RSRC1: variants seen among roughly 807,000 people sequenced by gnomAD.
RSRC1 encodes the protein arginine and serine rich coiled-coil 1.
In RSRC1, 39 loss-of-function variants were observed where a neutral mutation model predicts 49.1. That is an observed-to-expected ratio of 0.79 (90% CI 0.61 to 1.04). The LOEUF (loss-of-function observed/expected upper bound fraction) is 1.04, where lower values mean the gene tolerates loss of function less well. RSRC1 is among the 50% of genes least tolerant of loss of function. The pLI is 0.00. For missense variants in RSRC1, 388 were observed against 402.4 expected, an observed-to-expected ratio of 0.96 and a Z score of 0.31; for synonymous variants, 143 against 130.8, an observed-to-expected ratio of 1.09 and a Z score of -0.63.
intron 5 of RSRC1, among the ~76,000 whole-genome samples, chr3:158,307,806 A>G (rs980608539): frequency 2.0e-5 from 3 of 151,750 alleles, no homozygotes; most frequent in African/African-American, 7.3e-5. Context: ...GTGAAATTTT[A>G]TGTATATGAA....
At chr3:158,203,906 A>G (rs964571047) in intron 4 of RSRC1, among the ~76,000 whole-genome samples, 8 of 152,222 alleles carry the variant, frequency 5.3e-5, no homozygotes, top group African/African-American at 1.9e-4. Context: ...ATTAGAAAAC[A>G]TTAAAATGAA....
intron 3 of RSRC1, among the ~76,000 whole-genome samples, chr3:158,139,795 A>G (rs998041473): frequency 1.3e-5 from 2 of 152,020 alleles, no homozygotes; most frequent in South Asian, 2.1e-4. Context: ...CACCACGCCC[A>G]GCTAATTTCT....
intron 3 of RSRC1, among the ~76,000 whole-genome samples, chr3:158,165,839 A>G (rs1342082465): frequency 1.3e-5 from 2 of 152,150 alleles, no homozygotes; most frequent in Non-Finnish European, 2.9e-5. Context: ...TCCATATACT[A>G]CCTTTCTTCA....
At chr3:158,513,118 G>A (rs62287891) in intron 7 of RSRC1, among the ~76,000 whole-genome samples, 70,072 of 141,114 alleles carry the variant, frequency 0.5, 17,844 homozygotes, top group African/African-American at 0.6. Flanking sequence ...TCCTTCTCCT[G>A]CCTAATTGCC....
At chr3:158,112,645 G>C (rs374825709) in intron 1 of RSRC1, among the ~76,000 whole-genome samples, 6 of 152,204 alleles carry the variant, frequency 3.9e-5, no homozygotes, top group Admixed American at 1.3e-4. Flanking sequence ...AACTTTTCTT[G>C]GTTTCTCTAA....
intron 3 of RSRC1, among the ~76,000 whole-genome samples, chr3:158,162,208 G>A (rs1295562012): frequency 6.6e-6 from 1 of 152,128 alleles, no homozygotes. Flanking sequence ...AATACTCTAA[G>A]TAAATCATGT....
At chr3:158,508,449 CTAAA>C (rs1343506339) in intron 7 of RSRC1, among the ~76,000 whole-genome samples, 1 of 72,854 alleles carries the variant, frequency 1.4e-5, no homozygotes, top group East Asian at 3.7e-4. Context: ...CAATATATAA[CTAAA>C]GTCTGTGTCA....
chr3:158,153,281 A>G (rs180911463), intron 3 of RSRC1, among the ~76,000 whole-genome samples: 1 of 152,220 alleles, frequency 6.6e-6, no homozygotes, highest in East Asian at 1.9e-4. Context: ...CTTTGGAGAC[A>G]CTTGAGGATG....
chr3:158,142,092 C>T (rs1437366317), intron 3 of RSRC1, among the ~76,000 whole-genome samples: 4 of 151,772 alleles, frequency 2.6e-5, no homozygotes, highest in South Asian at 2.1e-4. Context: ...AGCGAGACTC[C>T]GTCTCAAAAA....
At position 158,355,165 on chromosome 3, in the gene RSRC1, A is replaced by G. The variant is rs1027518272; in HGVS notation, c.583+257A>G. 3.9e-5 allele frequency among the ~76,000 whole-genome samples: 6 copies of G among 151,956 alleles called. No individual in the cohort carries two copies. The South Asian group carries it at 1.2e-3, about 32-fold the overall frequency. ...GCTTCAGTTTTAGTTTTTTATTTTGATGAAGCCCAATTGATTAATTTGTCT... is the reference window on the plus strand; with the variant it reads ...GCTTCAGTTTTAGTTTTTTATTTTGGTGAAGCCCAATTGATTAATTTGTCT... On this transcript the variant is annotated intron_variant, in intron 6 of 9. Transcript: ENST00000611884.
intron 7 of RSRC1, among the ~76,000 whole-genome samples, chr3:158,503,576 G>A (rs1166281230): frequency 1.3e-5 from 2 of 152,176 alleles, no homozygotes; most frequent in Non-Finnish European, 2.9e-5. Flanking sequence ...TGCTGTTGGA[G>A]ATGGGGGTGA....
chr3:158,398,962 A>G (rs1252062972), intron 6 of RSRC1, among the ~76,000 whole-genome samples: 1 of 151,920 alleles, frequency 6.6e-6, no homozygotes, highest in Non-Finnish European at 1.5e-5. Flanking sequence ...ACATATATTT[A>G]TCAATGTGTG....
chr3:158,444,288 A>T (rs1023886866), intron 6 of RSRC1, among the ~76,000 whole-genome samples: 3 of 152,136 alleles, frequency 2.0e-5, no homozygotes, highest in Non-Finnish European at 4.4e-5. Flanking sequence ...CAAAACAGCA[A>T]GGTACTGGCA....
At chr3:158,111,782 G>A (rs916173635) in intron 1 of RSRC1, among the ~76,000 whole-genome samples, 2 of 152,156 alleles carry the variant, frequency 1.3e-5, no homozygotes, top group Non-Finnish European at 2.9e-5. Context: ...GTAATTATAA[G>A]CTATCATGTC....
At chr3:158,132,695 A>G (rs896927074) in intron 3 of RSRC1, among the ~76,000 whole-genome samples, 1 of 152,198 alleles carries the variant, frequency 6.6e-6, no homozygotes, top group Non-Finnish European at 1.5e-5. Flanking sequence ...TGGATGAGCT[A>G]TCCTTTCCTT....
chr3:158,507,363 A>C (rs1238151008), intron 7 of RSRC1, among the ~76,000 whole-genome samples: 1 of 152,156 alleles, frequency 6.6e-6, no homozygotes, highest in Non-Finnish European at 1.5e-5. Flanking sequence ...TATATATTTC[A>C]GAATAGCTAG....
chr3:158,173,660 G>C (rs1719015490), intron 3 of RSRC1, among the ~76,000 whole-genome samples: 1 of 151,948 alleles, frequency 6.6e-6, no homozygotes, highest in Non-Finnish European at 1.5e-5. Flanking sequence ...ACTTGCACAT[G>C]AATGTTCTCA....
chr3:158,124,122 A>C, intron 3 of RSRC1, 131 bp downstream of exon 3: 5 of 556,688 alleles, frequency 9.0e-6, no homozygotes, highest in Admixed American at 3.6e-5. Flanking sequence ...TTTTTTTCTC[A>C]CCTGGGGTCA....
intron 4 of RSRC1, among the ~76,000 whole-genome samples, chr3:158,213,804 T>C (rs948477913): frequency 6.6e-6 from 1 of 151,852 alleles, no homozygotes; most frequent in Admixed American, 6.6e-5. Flanking sequence ...TTTTGAAAAA[T>C]AATGTGTATT....
Sources: allele counts gnomAD v4.1 joint callset (sites outside exome capture counted in the v4.1 genomes callset), GRCh38; gene constraint gnomAD v4.1.1; transcripts MANE v1.5; gene names NCBI Gene and HGNC (gene_info 2026-07-23, HGNC 2026-07-21).